SCAPER: variants seen among roughly 807,000 people sequenced by gnomAD.
SCAPER encodes the protein S phase cyclin A-associated protein in the endoplasmic reticulum.
Under a neutral mutation model 182.2 loss-of-function variants are expected in SCAPER, and 98 were observed. The observed-to-expected ratio is 0.54, with a 90% CI of 0.46 to 0.64. SCAPER has a LOEUF of 0.64. Ranked by LOEUF, SCAPER falls within the 30% of genes least tolerant of loss-of-function variation. The pLI is 0.00. For synonymous variants in SCAPER, 605 were observed against 564.6 expected (o/e 1.07, Z -1.01); for missense variants, 1,432 against 1,690.0 (o/e 0.85, Z 2.68).
At chr15:76,658,720 A>G (rs1228653062) in intron 21 of SCAPER, among the ~76,000 whole-genome samples, 2 of 152,190 alleles carry the variant, frequency 1.3e-5, no homozygotes, top group Non-Finnish European at 2.9e-5. Context: ...ATAAAAACAG[A>G]AACATAGATG....
In SCAPER at chr15:76,428,866, CTATA is replaced by C. The variant is rs375991391; in HGVS notation, c.3311+5208_3311+5211del. Reference sequence around the variant, plus strand: ...TAGGTATCCTGATCAGATCATTATACTATATATATATATATATATATATATATAA... The same window carrying C: ...TAGGTATCCTGATCAGATCATTATACTATATATATATATATATATATATAA... On this transcript the variant is annotated intron_variant, in intron 26 of 31. Coordinates refer to ENST00000563290, the MANE Select transcript of SCAPER (RefSeq NM_020843.4). Among the ~76,000 whole-genome samples, 191 of 79,906 alleles carry C rather than the reference CTATA, an allele frequency of 2.4e-3. 11 individuals are homozygous for C. The highest frequency in any genetic ancestry group is 0.015 in the South Asian group (25 of 1,706). 52.4% of individuals were successfully genotyped at this position (79,906 alleles called of 152,430 possible).
chr15:76,781,162 A>C (rs2064106064), intron 8 of SCAPER, among the ~76,000 whole-genome samples: 1 of 152,188 alleles, frequency 6.6e-6, no homozygotes, highest in African/African-American at 2.4e-5. Context: ...ACGAATGCCT[A>C]ACTAGAATGA....
chr15:76,391,111 C>T (rs2043662702), intron 27 of SCAPER, among the ~76,000 whole-genome samples: 1 of 152,174 alleles, frequency 6.6e-6, no homozygotes, highest in African/African-American at 2.4e-5. Context: ...CTTTCTGGCT[C>T]TTCACATTCC....
intron 4 of SCAPER, among the ~76,000 whole-genome samples, chr15:76,849,063 A>C (rs758965330): frequency 6.6e-6 from 1 of 152,088 alleles, no homozygotes; most frequent in Non-Finnish European, 1.5e-5. Flanking sequence ...TAAGGGCTAC[A>C]CTCAAACTTA....
At chr15:76,412,431 A>AG (rs1044887105) in intron 26 of SCAPER, among the ~76,000 whole-genome samples, 7 of 152,132 alleles carry the variant, frequency 4.6e-5, no homozygotes, top group African/African-American at 1.7e-4. Flanking sequence ...GTGTGTGGCC[A>AG]GGGGGTTTAT....
intron 29 of SCAPER, among the ~76,000 whole-genome samples, chr15:76,373,785 T>C (rs764650950): frequency 6.6e-6 from 1 of 152,226 alleles, no homozygotes; most frequent in Non-Finnish European, 1.5e-5. Context: ...TTTGCCTCCA[T>C]GCTTACTTGA....
intron 23 of SCAPER, among the ~76,000 whole-genome samples, chr15:76,570,122 C>A (rs1245211855): frequency 6.6e-6 from 1 of 152,072 alleles, no homozygotes; most frequent in Non-Finnish European, 1.5e-5. Flanking sequence ...GGGGTATTAG[C>A]AATTTAGGAT....
intron 22 of SCAPER, among the ~76,000 whole-genome samples, chr15:76,617,844 G>T (rs998016865): frequency 6.6e-6 from 1 of 152,202 alleles, no homozygotes; most frequent in African/African-American, 2.4e-5. Context: ...AAGTTCTACT[G>T]CAAAGGGGCA....
intron 5 of SCAPER, among the ~76,000 whole-genome samples, chr15:76,810,721 G>C (rs558929993): frequency 7.9e-5 from 12 of 151,986 alleles, no homozygotes; most frequent in Non-Finnish European, 1.2e-4. Flanking sequence ...AATACAGTGT[G>C]ACTAAATTAT....
intron 24 of SCAPER, among the ~76,000 whole-genome samples, chr15:76,504,379 C>T (rs530152769): frequency 1.3e-5 from 2 of 152,162 alleles, no homozygotes; most frequent in South Asian, 4.1e-4. Flanking sequence ...TAAAGACCAA[C>T]GTGCAACTCA....
At chr15:76,449,902 T>C (rs2048258932) in intron 25 of SCAPER, among the ~76,000 whole-genome samples, 1 of 152,246 alleles carries the variant, frequency 6.6e-6, no homozygotes. Flanking sequence ...GTCTTATCTA[T>C]TCTATTAGAC....
chr15:76,685,443 T>C (rs2057984002), intron 20 of SCAPER, among the ~76,000 whole-genome samples: 1 of 151,822 alleles, frequency 6.6e-6, no homozygotes, highest in Non-Finnish European at 1.5e-5. Context: ...GAAATAAGAG[T>C]TTAACAAGAG....
At chr15:76,769,127 C>T (rs530680098) in intron 10 of SCAPER, among the ~76,000 whole-genome samples, 73 of 152,098 alleles carry the variant, frequency 4.8e-4, no homozygotes, top group African/African-American at 1.8e-3. Flanking sequence ...CTATAAAGAA[C>T]TTAAACAAAT....
chr15:76,658,709 T>C (rs1205060642), intron 21 of SCAPER, among the ~76,000 whole-genome samples: 1 of 152,066 alleles, frequency 6.6e-6, no homozygotes, highest in African/African-American at 2.4e-5. Context: ...ATGGTACTGG[T>C]ATAAAAACAG....
At chr15:76,703,481 G>A (rs2059075476) in intron 18 of SCAPER, among the ~76,000 whole-genome samples, 1 of 152,158 alleles carries the variant, frequency 6.6e-6, no homozygotes, top group Non-Finnish European at 1.5e-5. Context: ...GGCCCATCAT[G>A]ACCAAACCTA....
In SCAPER at chr15:76,781,042, G is replaced by A. The variant is rs576852555; in HGVS notation, c.773-5925C>T. 4.6e-5 allele frequency among the ~76,000 whole-genome samples: 7 copies of A among 152,294 alleles called. No individual in the cohort carries two copies. The East Asian group carries it at 1.4e-3, about 29-fold the overall frequency. On this transcript the variant is annotated intron_variant, in intron 8 of 31. Coordinates refer to ENST00000563290, the MANE Select transcript of SCAPER (RefSeq NM_020843.4). Reference sequence around the variant, plus strand: ...AAGCTGGATGGAGGATGACTTTGACGAGTTGACAGAAGTAGGCTTCAGAAG... The same window carrying A: ...AAGCTGGATGGAGGATGACTTTGACAAGTTGACAGAAGTAGGCTTCAGAAG...
At chr15:76,406,615 T>TACAC (rs36219509) in intron 26 of SCAPER, among the ~76,000 whole-genome samples, 287 of 149,704 alleles carry the variant, frequency 1.9e-3, no homozygotes, top group African/African-American at 6.6e-3. Flanking sequence ...AGACCCTGTC[T>TACAC]ACACACACAC....
intron 24 of SCAPER, among the ~76,000 whole-genome samples, chr15:76,495,991 GAGACAC>G (rs370348922): frequency 0.087 from 8,774 of 100,892 alleles, 411 homozygotes; most frequent in East Asian, 0.13. Flanking sequence ...GCAAAAGAGA[GAGACAC>G]ACACACACAC....
intron 26 of SCAPER, among the ~76,000 whole-genome samples, chr15:76,432,934 G>A (rs1567128583): frequency 6.6e-6 from 1 of 152,162 alleles, no homozygotes; most frequent in Non-Finnish European, 1.5e-5. Flanking sequence ...TACACTTACA[G>A]GGCTGCAAAG....
Sources: allele counts gnomAD v4.1 joint callset (sites outside exome capture counted in the v4.1 genomes callset), GRCh38; gene constraint gnomAD v4.1.1; transcripts MANE v1.5; gene names NCBI Gene and HGNC (gene_info 2026-07-23, HGNC 2026-07-21).